NID1: variants seen among roughly 807,000 people sequenced by gnomAD.
The protein encoded by NID1 is nidogen-1.
Under a neutral mutation model 130.6 loss-of-function variants are expected in NID1, and 76 were observed. The observed-to-expected ratio is 0.58, with a 90% CI of 0.48 to 0.70. The LOEUF (loss-of-function observed/expected upper bound fraction) is 0.70, where lower values mean the gene tolerates loss of function less well. NID1 is among the 30% of genes least tolerant of loss of function. NID1 has a pLI of 0.00. For synonymous variants in NID1, 665 were observed against 675.1 expected (o/e 0.98, Z 0.23); for missense variants, 1,517 against 1,664.8 (o/e 0.91, Z 1.54).
At chr1:235,994,382 G>C (rs1473680897) in intron 12 of NID1, among the ~76,000 whole-genome samples, 1 of 152,102 alleles carries the variant, frequency 6.6e-6, no homozygotes, top group South Asian at 2.1e-4. Context: ...GGCTGGTCTC[G>C]AATACCTGGC....
chr1:236,001,910 T>C (rs1382123996), intron 12 of NID1, among the ~76,000 whole-genome samples: 1 of 152,254 alleles, frequency 6.6e-6, no homozygotes, highest in East Asian at 1.9e-4. Flanking sequence ...CCCAAAATTC[T>C]ACCACAGCAG....
intron 1 of NID1, among the ~76,000 whole-genome samples, chr1:236,061,944 C>T (rs12087758): frequency 0.028 from 4,199 of 152,174 alleles, 140 homozygotes; most frequent in African/African-American, 0.084. Flanking sequence ...GTGAGGACGT[C>T]GAGAAATCGG....
intron 1 of NID1, 96 bp from the exon 2 acceptor site, chr1:236,049,085 A>G (rs1170576652): frequency 1.6e-6 from 2 of 1,275,152 alleles, no homozygotes; most frequent in Non-Finnish European, 2.2e-6. Context: ...AGCTGTACCC[A>G]TGCTGTGTAG....
intron 12 of NID1, among the ~76,000 whole-genome samples, chr1:235,999,120 C>T (rs1658007968): frequency 6.6e-6 from 1 of 152,254 alleles, no homozygotes; most frequent in African/African-American, 2.4e-5. Context: ...ATTACCTGTG[C>T]ATCCAGAGCC....
intron 7 of NID1, among the ~76,000 whole-genome samples, chr1:236,028,423 A>AAC (rs1659000349): frequency 6.6e-6 from 1 of 152,168 alleles, no homozygotes; most frequent in African/African-American, 2.4e-5. Flanking sequence ...TGGGAGGCTC[A>AAC]CTTGAGCCCA....
At chr1:236,064,706 G>T (rs775529932) in intron 1 of NID1, 149 bp downstream of exon 1, 1 of 706,090 alleles carries the variant, frequency 1.4e-6, no homozygotes, top group South Asian at 1.6e-5. Flanking sequence ...GGACCCTGCA[G>T]AGGCGGGAGA....
In NID1 at chr1:236,024,214, C is replaced by T; in HGVS notation, c.1985-1G>A. On this transcript the variant is annotated splice_acceptor_variant, in intron 8 of 19. Coordinates refer to ENST00000264187, the MANE Select transcript of NID1 (RefSeq NM_002508.3). LOFTEE classifies it high-confidence loss of function. ...TTCTGAAGAGCATCAGGGGAGCCTT[C>T]TGTGAAGACAGAGACATTGGAACCA... 6.2e-7 allele frequency: 1 copy of T among 1,614,212 alleles called. No individual in the cohort carries two copies. The highest frequency in any genetic ancestry group is 8.5e-7 in the Non-Finnish European group (1 of 1,180,024).
Position 235,976,312 on chromosome 1 carries a change from C to G in NID1, c.*1555G>C, listed in dbSNP as rs913632359. On this transcript the variant is annotated 3_prime_UTR_variant, in exon 20 of 20. Transcript: ENST00000264187. The stretch of plus-strand genomic sequence containing the variant: ...GAGGAAAAGAGGAGAGACTCTTTTC[C>G]CCAAAGAGAGTATCAGGCAAATTCT... 3.3e-5 allele frequency: 5 copies of G among 152,006 alleles called. No homozygotes were observed. Among genetic ancestry groups the G allele is most frequent in the Admixed American group, 6.6e-5 (1 of 15,256 alleles). 9.4% of individuals were successfully genotyped at this position (152,006 alleles called of 1,614,324 possible). A position where few individuals can be genotyped will look rare whatever the true frequency, so the allele number is the denominator to read the frequency against.
At chr1:236,022,106 C>CA (rs1270203357) in intron 9 of NID1, among the ~76,000 whole-genome samples, 1 of 151,674 alleles carries the variant, frequency 6.6e-6, no homozygotes, top group African/African-American at 2.4e-5. Flanking sequence ...CCCATCTCTA[C>CA]AAAAAATACA....
chr1:235,991,209 C>T, intron 13 of NID1, 151 bp from the exon 14 acceptor site: 1 of 608,144 alleles, frequency 1.6e-6, no homozygotes, highest in Non-Finnish European at 2.7e-6. Flanking sequence ...CACAAACTGC[C>T]ACAGCCACAC....
intron 12 of NID1, among the ~76,000 whole-genome samples, chr1:236,011,030 T>C (rs1658393616): frequency 6.6e-6 from 1 of 151,270 alleles, no homozygotes; most frequent in Non-Finnish European, 1.5e-5. Flanking sequence ...ACTGGAAACA[T>C]ACAAAAAAAA....
At chr1:236,064,643 G>A in intron 1 of NID1, 1 of 607,082 alleles carries the variant, frequency 1.6e-6, no homozygotes, top group Admixed American at 2.4e-5. Context: ...GAGCCACCCA[G>A]ACCCCGCGAC....
intron 12 of NID1, among the ~76,000 whole-genome samples, chr1:236,004,827 A>G (rs532184431): frequency 6.6e-6 from 1 of 151,144 alleles, no homozygotes; most frequent in Non-Finnish European, 1.5e-5. Flanking sequence ...TAGGAAATTG[A>G]CCGGGCTGTC....
chr1:236,026,010 G>A lies in NID1; in HGVS notation c.1870C>T (p.Arg624Trp), dbSNP rs202139258. 29 of 1,613,642 alleles carry A rather than the reference G, an allele frequency of 1.8e-5. No homozygotes were observed. The East Asian group carries it at 2.9e-4, about 16-fold the overall frequency. ...TGCTGGGTGCTGGGCAGGGCTGGCC[G>A]GGAGTCATCGTGGACGCATTCCTGG... The part of the protein sequence containing the change: ...TFQECVHDDS[R>W]PALPSTQQLS... The change falls in exon 8 of 20, where the codon CGG becomes TGG. Residue 624 changes from arginine (R) to tryptophan (W), a missense_variant. By Grantham distance (101) the Arg-to-Trp change is moderately radical. Transcript: ENST00000264187.
intron 4 of NID1, 33 bp downstream of exon 4, chr1:236,041,877 G>C (rs987682938): frequency 3.2e-6 from 5 of 1,574,420 alleles, no homozygotes; most frequent in African/African-American, 1.4e-5. Flanking sequence ...ACACATCCAA[G>C]ATCGTTACCA....
At chr1:236,064,804 C>T in intron 1 of NID1, 51 bp downstream of exon 1, 2 of 1,534,410 alleles carry the variant, frequency 1.3e-6, no homozygotes, top group African/African-American at 1.4e-5. Context: ...CGGGCGCCCC[C>T]GGCCCGCCGC....
chr1:236,006,235 A>C (rs945688982), intron 12 of NID1, among the ~76,000 whole-genome samples: 1 of 152,208 alleles, frequency 6.6e-6, no homozygotes, highest in African/African-American at 2.4e-5. Context: ...ATGAATTCCA[A>C]TGAATAAATG....
At chr1:236,009,031 C>T (rs539608775) in intron 12 of NID1, among the ~76,000 whole-genome samples, 89 of 152,258 alleles carry the variant, frequency 5.8e-4, no homozygotes, top group Non-Finnish European at 1.1e-3. Flanking sequence ...ATTCATATTC[C>T]GACTGAGAAA....
chr1:236,048,051 A>G (rs1659659130), intron 2 of NID1, among the ~76,000 whole-genome samples: 1 of 107,840 alleles, frequency 9.3e-6, no homozygotes, highest in Non-Finnish European at 1.8e-5. Context: ...AAAAAAAAAA[A>G]GGCCGGGCAT....
Sources: allele counts gnomAD v4.1 joint callset (sites outside exome capture counted in the v4.1 genomes callset), GRCh38; gene constraint gnomAD v4.1.1; transcripts MANE v1.5; gene names NCBI Gene and HGNC (gene_info 2026-07-23, HGNC 2026-07-21).